The following AKAP13 variants were observed in gnomAD, a reference collection of about 807,000 sequenced individuals.
AKAP13 encodes A-kinase anchoring protein 13, also known as A-kinase anchor protein 13.
In AKAP13, 80 loss-of-function variants were observed where a neutral mutation model predicts 264.5. The ratio of observed to expected loss-of-function variants is 0.30; its 90% confidence interval spans 0.25 to 0.36. The LOEUF (loss-of-function observed/expected upper bound fraction) is 0.36, where lower values mean the gene tolerates loss of function less well. Among genes scored for constraint, AKAP13 ranks in the 10% least tolerant of loss-of-function variants. The probability of loss-of-function intolerance (pLI) is 1.00; values close to 1 mark genes in which losing one functional copy is unlikely to be tolerated. For missense variants in AKAP13, 3,712 were observed against 3,435.2 expected (o/e 1.08, Z -2.01); for synonymous variants, 1,380 against 1,250.2 (o/e 1.10, Z -2.19).
chr15:85,497,923 G>T (rs762345503), intron 2 of AKAP13, among the ~76,000 whole-genome samples: 1 of 152,104 alleles, frequency 6.6e-6, no homozygotes, highest in African/African-American at 2.4e-5. Context: ...CTGTCAAGTA[G>T]GTAGGCCTAT....
chr15:85,400,868 ATATATATTT>A (rs2071387564), intron 1 of AKAP13, among the ~76,000 whole-genome samples: 1 of 58,252 alleles, frequency 1.7e-5, no homozygotes, highest in Non-Finnish European at 4.1e-5. Flanking sequence ...GTATATATAT[ATATATATTT>A]TTTTTTTTTA....
At chr15:85,656,751 A>G (rs1049627259) in intron 11 of AKAP13, among the ~76,000 whole-genome samples, 1 of 152,156 alleles carries the variant, frequency 6.6e-6, no homozygotes, top group Admixed American at 6.5e-5. Context: ...CCTGGCCTGA[A>G]TTTGACTTCT....
chr15:85,612,831 A>C (rs1376725568), intron 8 of AKAP13, among the ~76,000 whole-genome samples: 33 of 132,242 alleles, frequency 2.5e-4, no homozygotes, highest in African/African-American at 9.5e-4. Flanking sequence ...CTCACAAAAA[A>C]AAAAGAAAAA....
At chr15:85,416,495 G>A (rs993727745) in intron 1 of AKAP13, among the ~76,000 whole-genome samples, 1 of 152,090 alleles carries the variant, frequency 6.6e-6, no homozygotes, top group Admixed American at 6.5e-5. Flanking sequence ...ACTAATTCCC[G>A]TGGACATGAC....
At chr15:85,407,002 A>G (rs1225820915) in intron 1 of AKAP13, among the ~76,000 whole-genome samples, 2 of 151,736 alleles carry the variant, frequency 1.3e-5, no homozygotes, top group Admixed American at 1.3e-4. Context: ...TGTCCTACTT[A>G]CAAAACAGAA....
intron 36 of AKAP13, chr15:85,744,349 CCTTT>C (rs1409889749): frequency 9.5e-6 from 4 of 421,546 alleles, no homozygotes; most frequent in Non-Finnish European, 1.7e-5. Flanking sequence ...ATTGATCTCT[CCTTT>C]CTGTGTGGGA....
chr15:85,601,851 A>G (rs893132041), intron 8 of AKAP13, among the ~76,000 whole-genome samples: 1 of 142,204 alleles, frequency 7.0e-6, no homozygotes, highest in Non-Finnish European at 1.6e-5. Context: ...ACAATAAACT[A>G]ATCATTATTA....
intron 8 of AKAP13, among the ~76,000 whole-genome samples, chr15:85,613,691 A>AAAAATATATATATATAT (rs1313187436): frequency 2.2e-5 from 2 of 91,968 alleles, no homozygotes; most frequent in African/African-American, 9.1e-5. Context: ...AAAAAAAAAA[A>AAAAATATATATATATAT]ATATATATAT....
At chr15:85,703,108 T>C (rs900533204) in intron 17 of AKAP13, among the ~76,000 whole-genome samples, 1 of 152,240 alleles carries the variant, frequency 6.6e-6, no homozygotes, top group East Asian at 1.9e-4. Flanking sequence ...AGCTGCAATC[T>C]AAGTAGGAAA....
In AKAP13 at chr15:85,512,031, A is replaced by G. The variant is rs1416293929; in HGVS notation, c.34-9397A>G. On this transcript the variant is annotated intron_variant, in intron 2 of 36. Coordinates refer to ENST00000394518, the MANE Select transcript of AKAP13 (RefSeq NM_007200.5). ...ACCCCCCATTTTTCTTTCAGTATAT[A>G]CCACATAAGACTGTCTTTTTTTTTT... is the stretch of plus-strand genomic sequence containing the variant. 4.0e-5 allele frequency among the ~76,000 whole-genome samples: 6 copies of G among 151,104 alleles called. No individual in the cohort carries two copies. The East Asian group carries it at 9.7e-4, about 24-fold the overall frequency.
intron 5 of AKAP13, among the ~76,000 whole-genome samples, chr15:85,573,486 A>G (rs959656433): frequency 6.6e-6 from 1 of 152,170 alleles, no homozygotes; most frequent in Non-Finnish European, 1.5e-5. Context: ...TAGAGGTTGC[A>G]TTGAGCCAAG....
rs1442429148 is a variant in AKAP13, at chr15:85,570,407, G to A, written c.663-4724G>A. Among the ~76,000 whole-genome samples the A allele has an allele frequency of 5.3e-5, 8 of 152,292 alleles. No individual in the cohort carries two copies. In the South Asian group the frequency reaches 6.2e-4, roughly 12 times the overall value. On this transcript the variant is annotated intron_variant, in intron 5 of 36. Transcript: ENST00000394518. ...GCAGAGGTTGCAGTTAGCCGAGATC[G>A]CGCCACTGCTCTCCAGCCTGGGTGA... is the stretch of plus-strand genomic sequence containing the variant.
chr15:85,708,109 A>G lies in AKAP13; in HGVS notation c.5532+23A>G. 1 of 1,612,218 alleles carries G rather than the reference A, an allele frequency of 6.2e-7. No homozygotes were observed. The highest frequency in any genetic ancestry group is 1.7e-5 in the Admixed American group (1 of 59,930). ...AAGGTAAGACTTTCTGGCTAAAACA[A>G]GGCTTAAAATAAAAGGGTTTAAACC... On this transcript the variant is annotated intron_variant, in intron 18 of 36. Coordinates refer to ENST00000394518, the MANE Select transcript of AKAP13 (RefSeq NM_007200.5). The surrounding 1 kb of genome is among the most constrained non-coding windows in gnomAD (Gnocchi z 4.3).
chr15:85,696,075 A>G (rs946988025), intron 17 of AKAP13, among the ~76,000 whole-genome samples: 2 of 152,224 alleles, frequency 1.3e-5, no homozygotes, highest in South Asian at 4.1e-4. Flanking sequence ...TACAAGTCCT[A>G]CTGTGCCATA....
chr15:85,548,184 A>G (rs776270788), intron 5 of AKAP13, among the ~76,000 whole-genome samples: 20 of 152,236 alleles, frequency 1.3e-4, no homozygotes, highest in Non-Finnish European at 2.5e-4. Context: ...GCTAGTGACT[A>G]GGTGTGCAAA....
chr15:85,467,907 A>C (rs1394370554), intron 1 of AKAP13, among the ~76,000 whole-genome samples: 2 of 152,194 alleles, frequency 1.3e-5, no homozygotes, highest in African/African-American at 4.8e-5. Context: ...TACTGACTCA[A>C]GTGTTGACGG....
At chr15:85,566,114 A>G (rs535443546) in intron 5 of AKAP13, among the ~76,000 whole-genome samples, 1 of 152,380 alleles carries the variant, frequency 6.6e-6, no homozygotes, top group South Asian at 2.1e-4. Flanking sequence ...TACTATCACT[A>G]CCAGTGCTAC....
intron 5 of AKAP13, among the ~76,000 whole-genome samples, chr15:85,571,117 A>G (rs1027313091): frequency 6.6e-6 from 1 of 152,206 alleles, no homozygotes; most frequent in Non-Finnish European, 1.5e-5. Context: ...GGGGAAGATT[A>G]GTGTACAGGT....
chr15:85,682,106 G>A, intron 14 of AKAP13, 52 bp from the exon 15 acceptor site: 2 of 1,503,954 alleles, frequency 1.3e-6, no homozygotes, highest in Non-Finnish European at 1.8e-6. Context: ...ATTCTACCCG[G>A]CATCAGTGTT....
Sources: allele counts gnomAD v4.1 joint callset (sites outside exome capture counted in the v4.1 genomes callset), GRCh38; gene constraint gnomAD v4.1.1; non-coding constraint Gnocchi (gnomAD v3.1); transcripts MANE v1.5; gene names NCBI Gene and HGNC (gene_info 2026-07-23, HGNC 2026-07-21).